The following CDC42EP3 variants were observed in gnomAD, a reference collection of about 807,000 sequenced individuals.
CDC42EP3 encodes the protein CDC42 effector protein (Rho GTPase binding) 3.
CDC42EP3 carries 4 observed loss-of-function variants against 15.5 expected under a neutral mutation model. The observed-to-expected ratio is 0.26, with a 90% CI of 0.13 to 0.59. CDC42EP3 has a LOEUF of 0.59. Ranked by LOEUF, CDC42EP3 falls within the 20% of genes least tolerant of loss-of-function variation. The pLI is 0.89. For synonymous variants in CDC42EP3, 145 were observed against 130.3 expected, an observed-to-expected ratio of 1.11 and a Z score of -0.77; for missense variants, 309 against 311.2, an observed-to-expected ratio of 0.99 and a Z score of 0.05.
chr2:37,662,527 A>G (rs1438023228), intron 1 of CDC42EP3, among the ~76,000 whole-genome samples: 4 of 152,188 alleles, frequency 2.6e-5, no homozygotes, highest in African/African-American at 7.2e-5. Flanking sequence ...TCTGGGTTCA[A>G]TAGTCTAATT....
chr2:37,666,621 C>T (rs1666258051), intron 1 of CDC42EP3, among the ~76,000 whole-genome samples: 1 of 152,112 alleles, frequency 6.6e-6, no homozygotes, highest in South Asian at 2.1e-4. Context: ...TAGTTTGGAA[C>T]TCATCAGCTT....
chr2:37,659,687 C>T (rs1456291032), intron 1 of CDC42EP3, among the ~76,000 whole-genome samples: 1 of 152,204 alleles, frequency 6.6e-6, no homozygotes, highest in African/African-American at 2.4e-5. Flanking sequence ...AATGAACTTG[C>T]TCTTTTCTCT....
chr2:37,649,419 C>T (rs1336249273), intron 1 of CDC42EP3, among the ~76,000 whole-genome samples: 1 of 117,072 alleles, frequency 8.5e-6, no homozygotes, highest in Non-Finnish European at 1.6e-5. Flanking sequence ...TGTACCACTG[C>T]ACTACAGCCT....
Position 37,645,627 on chromosome 2 carries a change from G to GAT in CDC42EP3, c.*194_*195dup, listed in dbSNP as rs1213950207. The GAT allele has an allele frequency of 4.3e-6, 2 of 459,972 alleles. No individual in the cohort carries two copies. The highest frequency in any genetic ancestry group is 3.8e-6 in the Non-Finnish European group (1 of 265,584). 28.5% of individuals were successfully genotyped at this position (459,972 alleles called of 1,614,324 possible). A position where few individuals can be genotyped will look rare whatever the true frequency, so the allele number is the denominator to read the frequency against. On this transcript the variant is annotated 3_prime_UTR_variant, in exon 2 of 2. Transcript: ENST00000295324. ...CTGACTCACTTCCTTTTTTTGCCAA[G>GAT]ATAGGTTTTGCTTTGTTGTTTTTTT...
chr2:37,669,058 A>G (rs895849535), intron 1 of CDC42EP3, among the ~76,000 whole-genome samples: 41 of 152,170 alleles, frequency 2.7e-4, no homozygotes, highest in African/African-American at 9.9e-4. Context: ...GTAAGAAATG[A>G]GACTGGGCCT....
chr2:37,658,915 C>G (rs1211766835), intron 1 of CDC42EP3, among the ~76,000 whole-genome samples: 1 of 152,220 alleles, frequency 6.6e-6, no homozygotes, highest in Non-Finnish European at 1.5e-5. Flanking sequence ...CCTTATCACT[C>G]TCTGCTTTAA....
intron 1 of CDC42EP3, 114 bp downstream of exon 1, chr2:37,671,312 T>C (rs1666411258): frequency 6.6e-6 from 1 of 152,162 alleles, no homozygotes; most frequent in South Asian, 2.1e-4. Flanking sequence ...GTATCCCGAC[T>C]CCCTGCTGGT....
chr2:37,671,000 C>T (rs1285856811), intron 1 of CDC42EP3, among the ~76,000 whole-genome samples: 1 of 152,244 alleles, frequency 6.6e-6, no homozygotes, highest in Non-Finnish European at 1.5e-5. Flanking sequence ...AGGAGGGCAC[C>T]GGGCAGGCGA....
intron 1 of CDC42EP3, among the ~76,000 whole-genome samples, chr2:37,657,196 C>T (rs1665894139): frequency 6.6e-6 from 1 of 152,108 alleles, no homozygotes. Flanking sequence ...CCTTGTGTTC[C>T]CTACATGGAA....
chr2:37,647,750 A>G (rs1665523561), intron 1 of CDC42EP3: 2 of 152,266 alleles, frequency 1.3e-5, no homozygotes, highest in African/African-American at 2.4e-5. Context: ...ATTAGGTTAC[A>G]TTATAGGAGA....
intron 1 of CDC42EP3, among the ~76,000 whole-genome samples, chr2:37,663,129 C>T (rs568129567): frequency 6.6e-6 from 1 of 152,368 alleles, no homozygotes; most frequent in African/African-American, 2.4e-5. Context: ...TGTGCCACTG[C>T]ACTCTGGCCT....
At chr2:37,654,200 T>G (rs1665776840) in intron 1 of CDC42EP3, among the ~76,000 whole-genome samples, 1 of 151,954 alleles carries the variant, frequency 6.6e-6, no homozygotes, top group Admixed American at 6.5e-5. Context: ...AGATAATAAT[T>G]CCACTGTGCC....
Position 37,646,695 on chromosome 2 carries a change from C to G in CDC42EP3, c.-108G>C. On this transcript the variant is annotated 5_prime_UTR_variant, in exon 2 of 2. Coordinates refer to ENST00000295324, the MANE Select transcript of CDC42EP3 (RefSeq NM_006449.5). ...TGATAGGAACTGTCACATCATTTTT[C>G]TCAAGTGGCTTCAGAAGTGGCTTCG... The G allele has an allele frequency of 8.8e-7, 1 of 1,130,010 alleles. No individual in the cohort carries two copies. The highest frequency in any genetic ancestry group is 1.3e-6 in the Non-Finnish European group (1 of 794,252). 70.0% of individuals were successfully genotyped at this position (1,130,010 alleles called of 1,614,324 possible).
At chr2:37,669,202 C>G (rs541519190) in intron 1 of CDC42EP3, among the ~76,000 whole-genome samples, 2 of 103,524 alleles carry the variant, frequency 1.9e-5, no homozygotes, top group East Asian at 5.8e-4. Context: ...AGTTAATGGT[C>G]AAAGAATTTG....
rs920097998 is a variant in CDC42EP3 at position 37,642,151 on chromosome 2, G to A, written c.*3672C>T. 1.3e-5 allele frequency: 2 copies of A among 152,156 alleles called. No individual in the cohort carries two copies. The highest frequency in any genetic ancestry group is 4.8e-5 in the African/African-American group (2 of 41,420). The allele number at this position is 152,156 out of a possible 1,614,324, so 9.4% of individuals were successfully genotyped here. ...TGAAAAGCTTGCTGGATGAAATAGTGCACCATCAGAATAAAGCATGCAATA... is the reference window on the plus strand; with the variant it reads ...TGAAAAGCTTGCTGGATGAAATAGTACACCATCAGAATAAAGCATGCAATA... On this transcript the variant is annotated 3_prime_UTR_variant, in exon 2 of 2. Transcript: ENST00000295324.
rs1665456990 is a variant in CDC42EP3 at position 37,646,184 on chromosome 2, A to G, written c.404T>C (p.Phe135Ser). Residue 135 changes from phenylalanine (F) to serine (S), a missense_variant, in exon 2 of 2, where the codon TTC (phenylalanine) becomes TCC (serine). Coordinates refer to ENST00000295324, the MANE Select transcript of CDC42EP3 (RefSeq NM_006449.5). ...AAGCCTGGGCAGCTTTGCTGGCCCG[A>G]AGGACTCCTGTTTGGAATTAAATGT... ...PVTFNSKQES[F>S]GPAKLPRLSC... The G allele has an allele frequency of 1.2e-6, 2 of 1,613,930 alleles. No individual in the cohort carries two copies. Among genetic ancestry groups the G allele is most frequent in the Admixed American group, 1.7e-5 (1 of 59,996 alleles).
chr2:37,650,848 C>G (rs1020467159), intron 1 of CDC42EP3, among the ~76,000 whole-genome samples: 2 of 152,190 alleles, frequency 1.3e-5, no homozygotes, highest in African/African-American at 4.8e-5. Context: ...GGTCCAAACT[C>G]AGTAGAGGCA....
chr2:37,656,537 G>A (rs1169417896), intron 1 of CDC42EP3, among the ~76,000 whole-genome samples: 2 of 152,236 alleles, frequency 1.3e-5, no homozygotes, highest in Non-Finnish European at 2.9e-5. Context: ...CACCTGTGAA[G>A]AGTACTAGCT....
At chr2:37,650,201 G>A (rs764469855) in intron 1 of CDC42EP3, among the ~76,000 whole-genome samples, 1 of 152,136 alleles carries the variant, frequency 6.6e-6, no homozygotes, top group Non-Finnish European at 1.5e-5. Flanking sequence ...ATTGATCCCA[G>A]GAGAGTCAAT....
Sources: allele counts gnomAD v4.1 joint callset (sites outside exome capture counted in the v4.1 genomes callset), GRCh38; gene constraint gnomAD v4.1.1; transcripts MANE v1.5; gene names NCBI Gene and HGNC (gene_info 2026-07-23, HGNC 2026-07-21).